The following FRMD6 variants were observed in gnomAD, a reference collection of about 807,000 sequenced individuals.
The protein encoded by FRMD6 is FERM domain-containing protein 6.
FRMD6 carries 37 observed loss-of-function variants against 73.2 expected under a neutral mutation model. The ratio of observed to expected loss-of-function variants is 0.51; its 90% confidence interval spans 0.39 to 0.66. The LOEUF is 0.66. FRMD6 is among the 30% of genes least tolerant of loss of function. The pLI is 0.00. For synonymous variants in FRMD6, 273 were observed against 282.2 expected (o/e 0.97, Z 0.33); for missense variants, 714 against 780.5 (o/e 0.91, Z 1.02).
chr14:51,471,040 G>T, the FRMD6 span, among the ~76,000 whole-genome samples: 5 of 152,182 alleles, frequency 3.3e-5, no homozygotes, highest in Admixed American at 2.6e-4. Flanking sequence ...CAGTATTTAT[G>T]TAGATGTTTT....
the FRMD6 span, among the ~76,000 whole-genome samples, chr14:51,429,907 GC>G: frequency 2.0e-5 from 3 of 152,112 alleles, no homozygotes; most frequent in Non-Finnish European, 2.9e-5. Flanking sequence ...CCTCTTGATT[GC>G]CCTGACTCAG....
intron 1 of FRMD6, among the ~76,000 whole-genome samples, chr14:51,567,056 G>A (rs1348869610): frequency 6.6e-6 from 1 of 152,202 alleles, no homozygotes; most frequent in African/African-American, 2.4e-5. Flanking sequence ...AGTGGTATGG[G>A]AGGTGGGGAA....
chr14:51,620,017 C>T (rs1186087157), intron 2 of FRMD6, among the ~76,000 whole-genome samples: 1 of 152,080 alleles, frequency 6.6e-6, no homozygotes, highest in Non-Finnish European at 1.5e-5. Flanking sequence ...TGAGATAGGA[C>T]AAGTTAATTC....
intron 1 of FRMD6, among the ~76,000 whole-genome samples, chr14:51,543,913 A>C (rs1433239032): frequency 1.3e-5 from 2 of 152,050 alleles, no homozygotes; most frequent in Non-Finnish European, 2.9e-5. Context: ...ATGAATTCGC[A>C]CCATACTCTT....
intron 1 of FRMD6, among the ~76,000 whole-genome samples, chr14:51,540,986 C>T (rs1244666080): frequency 1.3e-5 from 2 of 152,066 alleles, no homozygotes; most frequent in Non-Finnish European, 2.9e-5. Flanking sequence ...GCAAGAAGTA[C>T]CCTCTCTTAA....
chr14:51,475,634 A>G, the FRMD6 span, among the ~76,000 whole-genome samples: 1 of 152,256 alleles, frequency 6.6e-6, no homozygotes, highest in African/African-American at 2.4e-5. Flanking sequence ...GTTGGATTCA[A>G]AACCTAACAT....
chr14:51,410,842 CTGTG>C, the FRMD6 span, among the ~76,000 whole-genome samples: 3 of 152,110 alleles, frequency 2.0e-5, no homozygotes, highest in Non-Finnish European at 2.9e-5. Context: ...CTTTCTATAT[CTGTG>C]TGTAATGTAA....
the FRMD6 span, among the ~76,000 whole-genome samples, chr14:51,403,130 A>T: frequency 3.3e-5 from 5 of 152,292 alleles, no homozygotes; most frequent in African/African-American, 1.2e-4. Context: ...ATAAAAGTAG[A>T]TATATAAACA....
At position 51,562,951 on chromosome 14, in the gene FRMD6, T is replaced by C. The variant is rs1005598015; in HGVS notation, c.-209-7397T>C. 3.3e-5 allele frequency among the ~76,000 whole-genome samples: 5 copies of C among 152,342 alleles called. No homozygotes were observed. In the East Asian group the frequency reaches 9.6e-4, roughly 29 times the overall value. On this transcript the variant is annotated intron_variant, in intron 1 of 14. Transcript: ENST00000356218. ...TTTGCACAACGTCTGGGACCTCAGCTAGGGAGACTCATGACCTGGGGGTGA... is the reference window on the plus strand; with the variant it reads ...TTTGCACAACGTCTGGGACCTCAGCCAGGGAGACTCATGACCTGGGGGTGA...
intron 1 of FRMD6, among the ~76,000 whole-genome samples, chr14:51,514,448 G>C (rs1219531901): frequency 2.0e-5 from 3 of 152,084 alleles, no homozygotes; most frequent in Non-Finnish European, 4.4e-5. Context: ...AACCACCATG[G>C]CACATGTATA....
At chr14:51,532,837 G>A (rs1459891500) in intron 1 of FRMD6, among the ~76,000 whole-genome samples, 1 of 152,170 alleles carries the variant, frequency 6.6e-6, no homozygotes, top group Non-Finnish European at 1.5e-5. Context: ...ATAGTAGTAA[G>A]GAGACAGAGC....
At chr14:51,684,815 C>A (rs1895042117) in intron 1 of FRMD6, among the ~76,000 whole-genome samples, 1 of 152,150 alleles carries the variant, frequency 6.6e-6, no homozygotes, top group Non-Finnish European at 1.5e-5. Flanking sequence ...AGCCAAACAG[C>A]TAACATTTAA....
intron 1 of FRMD6, among the ~76,000 whole-genome samples, chr14:51,567,175 G>T (rs726532): frequency 0.76 from 116,100 of 152,192 alleles, 44,594 homozygotes; most frequent in South Asian, 0.85. Flanking sequence ...TGACAGACTC[G>T]TCATTTTTTA....
At chr14:51,548,577 A>C (rs977862664) in intron 1 of FRMD6, among the ~76,000 whole-genome samples, 1 of 152,228 alleles carries the variant, frequency 6.6e-6, no homozygotes, top group Non-Finnish European at 1.5e-5. Context: ...TTCTTGAAAG[A>C]AAATTGAAGA....
At chr14:51,443,180 A>G in the FRMD6 span, among the ~76,000 whole-genome samples, 14 of 152,340 alleles carry the variant, frequency 9.2e-5, no homozygotes, top group Admixed American at 9.1e-4. Flanking sequence ...TCTTTCAAAC[A>G]GTCTTTTCCA....
At chr14:51,575,318 C>T (rs1028091145) in intron 2 of FRMD6, among the ~76,000 whole-genome samples, 2 of 152,290 alleles carry the variant, frequency 1.3e-5, no homozygotes, top group South Asian at 2.1e-4. Flanking sequence ...ACTTATCTAT[C>T]GACATGAAAT....
At chr14:51,483,406 T>C in the FRMD6 span, among the ~76,000 whole-genome samples, 6 of 152,080 alleles carry the variant, frequency 3.9e-5, no homozygotes, top group African/African-American at 1.4e-4. Context: ...TGTTCAAAAA[T>C]GAATGGGGGA....
chr14:51,670,124 T>G lies in FRMD6; in HGVS notation c.-147+18128T>G, dbSNP rs189062456. Among the ~76,000 whole-genome samples the G allele has an allele frequency of 5.7e-4, 87 of 152,324 alleles. 2 individuals are homozygous for G. The East Asian group carries it at 0.014, about 24-fold the overall frequency. On this transcript the variant is annotated intron_variant, in intron 1 of 13. Transcript: ENST00000344768. ...ACAAGTCTCACTCTGTTGCCAAGAC[T>G]AGAGTGCAGTGCATGATCATGGCTC...
chr14:51,420,813 C>T, the FRMD6 span, among the ~76,000 whole-genome samples: 1 of 152,174 alleles, frequency 6.6e-6, no homozygotes, highest in Non-Finnish European at 1.5e-5. Context: ...CTCGCTCTGT[C>T]ACCCAGACTG....
Sources: gnomAD v4.1 joint callset for allele counts (sites outside exome capture counted in the v4.1 genomes callset) on GRCh38, gnomAD v4.1.1 for gene constraint, MANE v1.5 for transcripts, NCBI Gene and HGNC (gene_info 2026-07-23, HGNC 2026-07-21) for gene names.